Variants in ARID1B observed in about 807,000 individuals in gnomAD.
The protein encoded by ARID1B is AT-rich interactive domain-containing protein 1B.
ARID1B carries 30 observed loss-of-function variants against 212.3 expected under a neutral mutation model. The observed-to-expected ratio is 0.14, with a 90% CI of 0.11 to 0.19. The LOEUF is 0.19. Among genes scored for constraint, ARID1B ranks in the 10% least tolerant of loss-of-function variants. The probability of loss-of-function intolerance (pLI) is 1.00; values close to 1 mark genes in which losing one functional copy is unlikely to be tolerated. For missense variants in ARID1B, 2,891 were observed against 3,204.0 expected (o/e 0.90, Z 2.36); for synonymous variants, 1,402 against 1,301.7 (o/e 1.08, Z -1.66).
intron 3 of ARID1B, among the ~76,000 whole-genome samples, chr6:156,929,479 A>G (rs931061037): frequency 6.6e-6 from 1 of 152,120 alleles, no homozygotes; most frequent in Non-Finnish European, 1.5e-5. Context: ...CATGTTGGGG[A>G]TAGGCTTCTG....
chr6:156,861,025 A>G (rs1257131401), intron 2 of ARID1B, among the ~76,000 whole-genome samples: 2 of 152,216 alleles, frequency 1.3e-5, no homozygotes, highest in African/African-American at 4.8e-5. Flanking sequence ...AGAGCCACGT[A>G]GTAGGTCTGT....
chr6:157,039,068 A>G (rs533019236), intron 4 of ARID1B, among the ~76,000 whole-genome samples: 24 of 152,124 alleles, frequency 1.6e-4, no homozygotes, highest in Admixed American at 1.2e-3. Context: ...TGCAGGTCTA[A>G]CTATGTTGCC....
chr6:157,011,556 G>T (rs1214955572), intron 4 of ARID1B, among the ~76,000 whole-genome samples: 1 of 152,174 alleles, frequency 6.6e-6, no homozygotes, highest in East Asian at 1.9e-4. Flanking sequence ...AAGTCTTGAG[G>T]AAAGAATTCT....
At chr6:156,883,245 A>G (rs1427856590) in intron 2 of ARID1B, among the ~76,000 whole-genome samples, 1 of 152,166 alleles carries the variant, frequency 6.6e-6, no homozygotes, top group Non-Finnish European at 1.5e-5. Context: ...TTGGGGTAGT[A>G]GTTATAATTT....
intron 1 of ARID1B, among the ~76,000 whole-genome samples, chr6:156,792,768 T>C (rs533135534): frequency 2.0e-5 from 3 of 152,160 alleles, no homozygotes; most frequent in Non-Finnish European, 4.4e-5. Flanking sequence ...TTATGAAATA[T>C]CGTGGGTCAG....
At chr6:156,893,694 C>G (rs533451335) in intron 2 of ARID1B, among the ~76,000 whole-genome samples, 1 of 152,134 alleles carries the variant, frequency 6.6e-6, no homozygotes, top group African/African-American at 2.4e-5. Flanking sequence ...CAGCACTGAT[C>G]ATTAGAGAAA....
At chr6:157,105,208 A>G (rs1295873625) in intron 5 of ARID1B, among the ~76,000 whole-genome samples, 3 of 152,202 alleles carry the variant, frequency 2.0e-5, no homozygotes. Flanking sequence ...AAAAACATGT[A>G]TGTACTCGAA....
chr6:157,024,837 T>C (rs1045784628), intron 4 of ARID1B: 1 of 152,224 alleles, frequency 6.6e-6, no homozygotes, highest in South Asian at 2.1e-4. Flanking sequence ...TTTCAAGCTT[T>C]TTGCTATTGA....
In ARID1B at chr6:156,909,126, T is replaced by C. The variant is rs1279836464; in HGVS notation, c.2136+7601T>C. On this transcript the variant is annotated intron_variant, in intron 3 of 19. Coordinates refer to ENST00000636930, the MANE Select transcript of ARID1B (RefSeq NM_001374828.1). ...TTTTTTTTTCTTTTTTCTTTCTCTT[T>C]TTTTTTTTTTTTTTTTTGAGACAGA... Among the ~76,000 whole-genome samples, 10 of 140,104 alleles carry C rather than the reference T, an allele frequency of 7.1e-5. No homozygotes were observed. The East Asian group carries it at 1.0e-3, about 14-fold the overall frequency. The allele number at this position is 140,104 out of a possible 152,430, so 91.9% of individuals were successfully genotyped here. A position where few individuals can be genotyped will look rare whatever the true frequency, so the allele number is the denominator to read the frequency against.
chr6:156,908,350 G>A (rs1006552936), intron 3 of ARID1B, among the ~76,000 whole-genome samples: 12 of 151,982 alleles, frequency 7.9e-5, no homozygotes, highest in South Asian at 4.2e-4. Context: ...CATAAAGTTC[G>A]TAATAGCCTT....
At chr6:156,852,314 G>A (rs1340753552) in intron 2 of ARID1B, among the ~76,000 whole-genome samples, 1 of 152,020 alleles carries the variant, frequency 6.6e-6, no homozygotes, top group Non-Finnish European at 1.5e-5. Flanking sequence ...GCAGGGCGTG[G>A]TGATGTGCAC....
intron 3 of ARID1B, among the ~76,000 whole-genome samples, chr6:156,911,637 T>G (rs1191735772): frequency 6.6e-6 from 1 of 152,216 alleles, no homozygotes; most frequent in Non-Finnish European, 1.5e-5. Context: ...TATGATTCCC[T>G]GAATGTAATG....
At chr6:157,036,756 T>C in intron 4 of ARID1B, 1 of 480,926 alleles carries the variant, frequency 2.1e-6, no homozygotes, top group Non-Finnish European at 4.1e-6. Flanking sequence ...TTCTAGGCCA[T>C]GCCTGTGTCT....
At chr6:157,113,069 G>A (rs1451821601) in intron 6 of ARID1B, among the ~76,000 whole-genome samples, 3 of 151,992 alleles carry the variant, frequency 2.0e-5, no homozygotes, top group Non-Finnish European at 2.9e-5. Flanking sequence ...TTACAGGCAT[G>A]TGCCACCATG....
At chr6:156,987,792 C>T (rs1472058155) in intron 4 of ARID1B, among the ~76,000 whole-genome samples, 2 of 152,206 alleles carry the variant, frequency 1.3e-5, no homozygotes, top group East Asian at 3.9e-4. Flanking sequence ...CCCCATTAGC[C>T]CTTGTTTATG....
At chr6:157,068,408 A>C (rs977992608) in intron 4 of ARID1B, among the ~76,000 whole-genome samples, 2 of 152,154 alleles carry the variant, frequency 1.3e-5, no homozygotes, top group Admixed American at 6.5e-5. Flanking sequence ...ACCTGTGCAC[A>C]ATACAGGCTG....
At chr6:156,954,590 T>C (rs938917406) in intron 4 of ARID1B, among the ~76,000 whole-genome samples, 2 of 152,206 alleles carry the variant, frequency 1.3e-5, no homozygotes, top group Admixed American at 1.3e-4. Context: ...ATTTATTACT[T>C]TATGAGGTAT....
In ARID1B at chr6:156,778,366, G is replaced by C. The variant is rs1208360824; in HGVS notation, c.686G>C (p.Gly229Ala). ...AACAGCTTGGGCGGCGCGGGCGGCG[G>C]CGCGCCTCAGCCCGGCCCCGACATG... is the stretch of plus-strand genomic sequence containing the variant. The part of the protein sequence containing the change: ...NNNSLGGAGG[G>A]APQPGPDMEQ... Residue 229 changes from glycine (G) to alanine (A), a missense_variant, in exon 1 of 20, where the codon GGC becomes GCC. Transcript: ENST00000636930. 6.5e-7 allele frequency: 1 copy of C among 1,539,348 alleles called. No individual in the cohort carries two copies. The highest frequency in any genetic ancestry group is 8.7e-7 in the Non-Finnish European group (1 of 1,146,218).
rs1302581812 is a variant in ARID1B at position 156,778,413 on chromosome 6, G to A, written c.733G>A (p.Ala245Thr). ...CATGGAGCAGCCGCAACATGGAGGC[G>A]CCAAGGACAGTGCTGCGGGCGGCCA... ...PDMEQPQHGGAKDSAAGGQAD... is the reference protein window; with the variant it reads ...PDMEQPQHGGTKDSAAGGQAD... Residue 245 changes from alanine (A) to threonine (T), a missense_variant, in exon 1 of 20, where the codon GCC becomes ACC. Ala to Thr is a moderately conservative substitution (Grantham distance 58). This residue lies in a region of ARID1B where 1,643 missense variants were observed against 1,544.0 expected (regional missense o/e 1.06). Transcript: ENST00000636930. The A allele has an allele frequency of 4.6e-6, 7 of 1,532,110 alleles. No homozygotes were observed. The highest frequency in any genetic ancestry group is 2.0e-5 in the Admixed American group (1 of 50,744). The allele number at this position is 1,532,110 out of a possible 1,614,324, so 94.9% of individuals were successfully genotyped here.
Sources: allele counts gnomAD v4.1 joint callset (sites outside exome capture counted in the v4.1 genomes callset), GRCh38; gene constraint gnomAD v4.1.1; regional missense constraint gnomAD v4.1.1; transcripts MANE v1.5; gene names NCBI Gene and HGNC (gene_info 2026-07-23, HGNC 2026-07-21).